The following BCL2L13 variants were observed in gnomAD, a reference collection of about 807,000 sequenced individuals.
BCL2L13 encodes the protein bcl-2-like protein 13.
Under a neutral mutation model 25.8 loss-of-function variants are expected in BCL2L13, and 13 were observed. The ratio of observed to expected loss-of-function variants is 0.50; its 90% CI spans 0.33 to 0.80. The LOEUF (loss-of-function observed/expected upper bound fraction) is 0.80, where lower values mean the gene tolerates loss of function less well. Ranked by LOEUF, BCL2L13 falls within the 30% of genes least tolerant of loss-of-function variation. The probability of loss-of-function intolerance (pLI) is 0.02; values close to 1 mark genes in which losing one functional copy is unlikely to be tolerated. For missense variants in BCL2L13, 504 were observed against 574.9 expected (o/e 0.88, Z 1.26); for synonymous variants, 244 against 230.3 (o/e 1.06, Z -0.54).
At chr22:17,683,377 C>T (rs1052199712) in intron 3 of BCL2L13, 56 bp downstream of exon 3, 21 of 1,052,260 alleles carry the variant, frequency 2.0e-5, no homozygotes, top group African/African-American at 4.9e-5. Flanking sequence ...TTATGGTTTA[C>T]TGTTGGTTTA....
At chr22:17,720,668 A>ATT (rs752609758) in intron 6 of BCL2L13, among the ~76,000 whole-genome samples, 5 of 138,338 alleles carry the variant, frequency 3.6e-5, no homozygotes, top group South Asian at 2.4e-4. Context: ...CCCGGCCTTA[A>ATT]TTTTTTTTTT....
At chr22:17,630,231 A>G (rs971001872) in intron 1 of BCL2L13, among the ~76,000 whole-genome samples, 1 of 151,830 alleles carries the variant, frequency 6.6e-6, no homozygotes, top group Non-Finnish European at 1.5e-5. Context: ...AAAACAAAAA[A>G]AAAAAAAACA....
At chr22:17,642,162 T>C (rs563991379) in intron 1 of BCL2L13, among the ~76,000 whole-genome samples, 487 of 121,696 alleles carry the variant, frequency 4.0e-3, no homozygotes, top group Non-Finnish European at 6.5e-3. Context: ...AGACGGAGTC[T>C]CACTGTCGCC....
chr22:17,716,915 GAGAT>G (rs2060962124), intron 6 of BCL2L13, among the ~76,000 whole-genome samples: 1 of 152,096 alleles, frequency 6.6e-6, no homozygotes, highest in South Asian at 2.1e-4. Flanking sequence ...CACCTTTTAT[GAGAT>G]AGAGGCTGAT....
chr22:17,664,544 T>C (rs1158790425), intron 2 of BCL2L13, among the ~76,000 whole-genome samples: 1 of 152,200 alleles, frequency 6.6e-6, no homozygotes, highest in Admixed American at 6.5e-5. Flanking sequence ...ACAGCTCCAC[T>C]AGGCAGTGCC....
intron 4 of BCL2L13, among the ~76,000 whole-genome samples, chr22:17,693,626 C>A (rs2060181035): frequency 1.3e-5 from 2 of 152,056 alleles, no homozygotes; most frequent in African/African-American, 4.8e-5. Flanking sequence ...GTGATCCACC[C>A]ACCTCAGCCT....
chr22:17,679,061 A>G (rs192041719), intron 2 of BCL2L13, among the ~76,000 whole-genome samples: 17 of 152,294 alleles, frequency 1.1e-4, no homozygotes, highest in Admixed American at 1.1e-3. Flanking sequence ...GTTGCTAAGT[A>G]TACAATTCAG....
chr22:17,698,491 C>T (rs889346499), intron 5 of BCL2L13, among the ~76,000 whole-genome samples: 2 of 131,026 alleles, frequency 1.5e-5, no homozygotes, highest in Non-Finnish European at 3.1e-5. Flanking sequence ...AAGGCCAAGG[C>T]GGGAGGATCA....
At chr22:17,721,062 G>C (rs968335019) in intron 6 of BCL2L13, among the ~76,000 whole-genome samples, 9 of 151,348 alleles carry the variant, frequency 5.9e-5, no homozygotes, top group Non-Finnish European at 1.2e-4. Flanking sequence ...AGCTACTCGG[G>C]GGGAGGCTGA....
chr22:17,714,367 G>T (rs180958864), intron 6 of BCL2L13, among the ~76,000 whole-genome samples: 12 of 152,018 alleles, frequency 7.9e-5, no homozygotes, highest in Non-Finnish European at 1.6e-4. Flanking sequence ...CAGGAGAATC[G>T]CTTGAACTCG....
Position 17,726,811 on chromosome 22 carries a change from T to C in BCL2L13, c.735T>C (p.Thr245=). ...CCCCAGAGTCTCCAACTGTGACCAC[T>C]TCCTGGCAGTCTGAGAGCTTACCTG... ...VSPPESPTVT[T]SWQSESLPVS... Residue 245 remains threonine, a synonymous_variant, in exon 7 of 7, where the codon ACT becomes ACC. Coordinates refer to ENST00000317582, the MANE Select transcript of BCL2L13 (RefSeq NM_015367.4). 1 of 1,614,198 alleles carries C rather than the reference T, an allele frequency of 6.2e-7. No homozygotes were observed. The highest frequency in any genetic ancestry group is 1.7e-5 in the Admixed American group (1 of 60,028).
At chr22:17,646,716 CTT>C (rs10684670) in intron 1 of BCL2L13, among the ~76,000 whole-genome samples, 25 of 89,194 alleles carry the variant, frequency 2.8e-4, no homozygotes, top group Non-Finnish European at 4.0e-4. Flanking sequence ...AAATATCTGT[CTT>C]TTTTTTTTTT....
At position 17,702,368 on chromosome 22, in the gene BCL2L13, C is replaced by G. The variant is rs775995797; in HGVS notation, c.582C>G (p.Ile194Met). 3.1e-6 allele frequency: 5 copies of G among 1,598,812 alleles called. No homozygotes were observed. The highest frequency in any genetic ancestry group is 4.3e-6 in the Non-Finnish European group (5 of 1,173,640). The change falls in exon 6 of 7, where the codon ATC (isoleucine) becomes ATG (methionine). Residue 194 changes from isoleucine (I) to methionine (M), a missense_variant. Transcript: ENST00000317582. ...TYLEDYSAEY[I>M]IQQGGWGTVF... ...TGGAGGACTATTCGGCAGAGTACAT[C>G]ATTCAGCAAGGTGGCTGGGTATGAG...
rs765300043 is a variant in BCL2L13 at position 17,671,522 on chromosome 22, G to A, written c.122-11692G>A. 1.2e-4 allele frequency among the ~76,000 whole-genome samples: 18 copies of A among 150,454 alleles called. No individual in the cohort carries two copies. In the South Asian group the frequency reaches 2.3e-3, roughly 19 times the overall value. On this transcript the variant is annotated intron_variant, in intron 2 of 6. Coordinates refer to ENST00000317582, the MANE Select transcript of BCL2L13 (RefSeq NM_015367.4). ...GCAGAGGTTGAAGTGAGTTGAGATCGCGCCATGCACTCCATTCTGGGCAAC... is the reference window on the plus strand; with the variant it reads ...GCAGAGGTTGAAGTGAGTTGAGATCACGCCATGCACTCCATTCTGGGCAAC...
upstream of BCL2L13, chr22:17,638,003 C>G (rs955840685): frequency 6.6e-6 from 1 of 152,208 alleles, no homozygotes; most frequent in African/African-American, 2.4e-5. Flanking sequence ...CTGGCTCAGT[C>G]TTCTAACTCC....
At position 17,631,670 on chromosome 22, in the gene BCL2L13, GTATATATATATATATATATA is replaced by G. The variant is rs1181793721; in HGVS notation, c.-650+2683_-650+2702del. On this transcript the variant is annotated intron_variant, in intron 1 of 6. Transcript: ENST00000399782. ...CGTGTGTGTATGTATGTGTGTGTGT[GTATATATATATATATATATA>G]TATATATATATATATATTTTTTTTT... 2.4e-3 allele frequency among the ~76,000 whole-genome samples: 64 copies of G among 26,890 alleles called. 2 individuals carry two copies. The East Asian group carries it at 0.071, about 30-fold the overall frequency. The allele number at this position is 26,890 out of a possible 152,430, so 17.6% of individuals were successfully genotyped here.
Position 17,708,727 on chromosome 22 carries a change from A to G in BCL2L13, c.600+6341A>G, listed in dbSNP as rs1403946572. Among the ~76,000 whole-genome samples the G allele has an allele frequency of 3.9e-5, 6 of 152,150 alleles. No individual in the cohort carries two copies. The East Asian group carries it at 1.2e-3, about 29-fold the overall frequency. On this transcript the variant is annotated intron_variant, in intron 6 of 6. Coordinates refer to ENST00000317582, the MANE Select transcript of BCL2L13 (RefSeq NM_015367.4). ...AGTTTTATATTTTTGAGCCCTCGAA[A>G]TTACTCCTTTGCATTTTATGTCAGT...
intron 1 of BCL2L13, among the ~76,000 whole-genome samples, chr22:17,652,280 C>T (rs1165576045): frequency 6.6e-6 from 1 of 151,946 alleles, no homozygotes; most frequent in Non-Finnish European, 1.5e-5. Flanking sequence ...TCAAGTGATC[C>T]CTCTGCCTTG....
intron 6 of BCL2L13, among the ~76,000 whole-genome samples, chr22:17,720,045 G>A (rs996436357): frequency 2.6e-5 from 4 of 152,010 alleles, no homozygotes; most frequent in Admixed American, 1.3e-4. Flanking sequence ...ACTACCAAAG[G>A]GTGTCTTTTT....
Sources: gnomAD v4.1 joint callset for allele counts (sites outside exome capture counted in the v4.1 genomes callset) on GRCh38, gnomAD v4.1.1 for gene constraint, MANE v1.5 for transcripts, NCBI Gene and HGNC (gene_info 2026-07-23, HGNC 2026-07-21) for gene names.